EVC: variants seen among roughly 807,000 people sequenced by gnomAD.
EVC encodes EvC ciliary complex subunit 1.
In EVC, 116 loss-of-function variants were observed where a neutral mutation model predicts 118.9. That is an observed-to-expected ratio of 0.98 (90% CI 0.84 to 1.14). EVC has a LOEUF of 1.14. Among genes scored for constraint, EVC ranks in the 50% most tolerant of loss-of-function variants. EVC has a pLI of 0.00. For missense variants in EVC, 1,401 were observed against 1,246.4 expected, an observed-to-expected ratio of 1.12 and a Z score of -1.87; for synonymous variants, 619 against 534.7, an observed-to-expected ratio of 1.16 and a Z score of -2.18.
intron 2 of EVC, among the ~76,000 whole-genome samples, chr4:5,724,162 C>A (rs1402088258): frequency 6.6e-6 from 1 of 152,198 alleles, no homozygotes; most frequent in Non-Finnish European, 1.5e-5. Flanking sequence ...ATTAAATGGG[C>A]AAACATGCAT....
At chr4:5,828,747 A>C in the EVC span, 2 of 1,498,038 alleles carry the variant, frequency 1.3e-6, no homozygotes, top group African/African-American at 2.8e-5. Flanking sequence ...ATTTTGCCTA[A>C]CATTATATCA....
chr4:5,743,763 G>A lies in EVC; in HGVS notation c.802-1441G>A, dbSNP rs1465328499. Among the ~76,000 whole-genome samples, 2 of 152,156 alleles carry A rather than the reference G, an allele frequency of 1.3e-5. No individual in the cohort carries two copies. Among genetic ancestry groups the A allele is most frequent in the East Asian group, 1.9e-4 (1 of 5,182 alleles). On this transcript the variant is annotated intron_variant, in intron 6 of 20. Transcript: ENST00000264956. The surrounding 1 kb of genome is among the most constrained non-coding windows in gnomAD (Gnocchi z 4.7). Reference sequence around the variant, plus strand: ...TCATGGTCCTCAGGCAGTGCACGTCGTGCTTGACATACATTATTTCATTTA... The same window carrying A: ...TCATGGTCCTCAGGCAGTGCACGTCATGCTTGACATACATTATTTCATTTA...
chr4:5,743,821 TA>T lies in EVC; in HGVS notation c.802-1382del, dbSNP rs555250201. On this transcript the variant is annotated intron_variant, in intron 6 of 20. Coordinates refer to ENST00000264956, the MANE Select transcript of EVC (RefSeq NM_153717.3). The surrounding 1 kb of genome is among the most constrained non-coding windows in gnomAD (Gnocchi z 4.7). The stretch of plus-strand genomic sequence containing the variant: ...TGACAGCCCTGTGAGTGGCCATTGT[TA>T]TTTTTGTTTTACAGCTGAAGAAACT... Among the ~76,000 whole-genome samples the T allele has an allele frequency of 3.7e-4, 56 of 152,354 alleles. No homozygotes were observed. In the South Asian group the frequency reaches 0.011, roughly 30 times the overall value.
At chr4:5,725,776 T>C (rs981906313) in intron 2 of EVC, among the ~76,000 whole-genome samples, 1 of 152,236 alleles carries the variant, frequency 6.6e-6, no homozygotes, top group Non-Finnish European at 1.5e-5. Context: ...ATTTTTGTCG[T>C]GAAATCTTTG....
chr4:5,785,621 C>T (rs1054335325), intron 12 of EVC, among the ~76,000 whole-genome samples: 8 of 152,196 alleles, frequency 5.3e-5, no homozygotes, highest in Non-Finnish European at 1.5e-5. Flanking sequence ...TCCGGTTGCC[C>T]TGTCGTAGGT....
At chr4:5,828,736 G>T in the EVC span, 1 of 1,538,554 alleles carries the variant, frequency 6.5e-7, no homozygotes, top group East Asian at 2.3e-5. Context: ...TCATAACAGC[G>T]ATTTTGCCTA....
Position 5,731,628 on chromosome 4 carries a change from C to T in EVC, c.588C>T (p.Asn196=), listed in dbSNP as rs756994584. 31 of 1,614,040 alleles carry T rather than the reference C, an allele frequency of 1.9e-5. No individual in the cohort carries two copies. The East Asian group carries it at 2.5e-4, about 13-fold the overall frequency. ...RFLSRTFLRV[N]AFPEVLACES... is the part of the protein sequence containing the mutation. ...TCAGCCGCACCTTCCTCCGGGTGAA[C>T]GCCTTCCCTGAAGTGCTGGCCTGCG... is the stretch of plus-strand genomic sequence containing the variant. Residue 196 remains asparagine, a synonymous_variant, in exon 4 of 21, where the codon AAC becomes AAT. Coordinates refer to ENST00000264956, the MANE Select transcript of EVC (RefSeq NM_153717.3). The surrounding 1 kb of genome is among the most constrained non-coding windows in gnomAD (Gnocchi z 5.6).
intron 11 of EVC, among the ~76,000 whole-genome samples, chr4:5,780,197 G>A (rs1267683833): frequency 6.6e-6 from 1 of 152,150 alleles, no homozygotes; most frequent in African/African-American, 2.4e-5. Context: ...GAAGCAAACC[G>A]AATCCAGCAG....
chr4:5,730,186 A>G (rs879609633), intron 3 of EVC, among the ~76,000 whole-genome samples: 4 of 152,134 alleles, frequency 2.6e-5, no homozygotes, highest in African/African-American at 7.2e-5. Context: ...TGCCTCGCCC[A>G]GTTGTTTTGG....
intron 12 of EVC, 195 bp from the exon 13 acceptor site, chr4:5,793,412 AT>A (rs1044117339): frequency 1.1e-5 from 7 of 625,294 alleles, no homozygotes; most frequent in Middle Eastern, 4.3e-4. Flanking sequence ...TCGTATTTGC[AT>A]TTTTCCTAAA....
chr4:5,732,585 C>G (rs1197348457), intron 4 of EVC, among the ~76,000 whole-genome samples: 4 of 152,200 alleles, frequency 2.6e-5, no homozygotes, highest in Non-Finnish European at 4.4e-5. Flanking sequence ...TGTATCTGCC[C>G]CCGTTGACCC....
chr4:5,816,177 C>A (rs1429809711), downstream of EVC, among the ~76,000 whole-genome samples: 1 of 152,150 alleles, frequency 6.6e-6, no homozygotes, highest in East Asian at 1.9e-4. Context: ...GGACTTGGTC[C>A]ACTTCCTGAT....
At chr4:5,778,788 GT>G (rs1261174441) in intron 11 of EVC, among the ~76,000 whole-genome samples, 8 of 152,116 alleles carry the variant, frequency 5.3e-5, no homozygotes, top group African/African-American at 1.9e-4. Flanking sequence ...CATTTTGTGG[GT>G]TGCCTGTTCA....
chr4:5,814,430 C>T (rs1040353633), downstream of EVC: 12 of 152,380 alleles, frequency 7.9e-5, no homozygotes, highest in African/African-American at 2.6e-4. Flanking sequence ...GCACCACATT[C>T]CTTCTGAGGC....
In EVC at chr4:5,749,221, G is replaced by A. The variant is rs768352386; in HGVS notation, c.1098+915G>A. On this transcript the variant is annotated intron_variant, in intron 8 of 20. Transcript: ENST00000264956. The surrounding 1 kb of genome is among the most constrained non-coding windows in gnomAD (Gnocchi z 4.4). ...TGAACTATTCTGACGGGAGGCCAGGGATACAAACCCCTGGTGCATGGGTGT... is the reference window on the plus strand; with the variant it reads ...TGAACTATTCTGACGGGAGGCCAGGAATACAAACCCCTGGTGCATGGGTGT... Among the ~76,000 whole-genome samples the A allele has an allele frequency of 3.3e-5, 5 of 151,888 alleles. No homozygotes were observed. The highest frequency in any genetic ancestry group is 5.9e-5 in the Non-Finnish European group (4 of 67,990).
intron 1 of EVC, among the ~76,000 whole-genome samples, chr4:5,717,520 A>G (rs1724177525): frequency 2.0e-5 from 3 of 152,072 alleles, no homozygotes; most frequent in Non-Finnish European, 1.5e-5. Context: ...TTACTGTAGG[A>G]CTATCTGACT....
intron 16 of EVC, among the ~76,000 whole-genome samples, chr4:5,803,141 T>G (rs1396012142): frequency 6.6e-6 from 1 of 152,134 alleles, no homozygotes; most frequent in Non-Finnish European, 1.5e-5. Flanking sequence ...ATAAGGATGG[T>G]TGGAAGCCAA....
intron 11 of EVC, among the ~76,000 whole-genome samples, chr4:5,770,999 G>A (rs528138513): frequency 1.4e-5 from 2 of 147,024 alleles, no homozygotes; most frequent in East Asian, 2.0e-4. Context: ...GTGACAGAGC[G>A]AGACTTCATT....
chr4:5,783,089 CGTGTGT>C (rs142165642), intron 11 of EVC, among the ~76,000 whole-genome samples: 31 of 150,226 alleles, frequency 2.1e-4, no homozygotes, highest in Admixed American at 1.6e-3. Context: ...TGCGTGTGTG[CGTGTGT>C]GTGTGTGTAG....
Sources: allele counts gnomAD v4.1 joint callset (sites outside exome capture counted in the v4.1 genomes callset), GRCh38; gene constraint gnomAD v4.1.1; non-coding constraint Gnocchi (gnomAD v3.1); transcripts MANE v1.5; gene names NCBI Gene and HGNC (gene_info 2026-07-23, HGNC 2026-07-21).